LRRIQ3: variants seen among roughly 807,000 people sequenced by gnomAD.
The protein encoded by LRRIQ3 is leucine-rich repeat and IQ domain-containing protein 3.
LRRIQ3 carries 75 observed loss-of-function variants against 59.3 expected under a neutral mutation model. That is an observed-to-expected ratio of 1.26 (90% confidence interval 1.05 to 1.53). LRRIQ3 has a LOEUF of 1.53. LRRIQ3 is among the 40% of genes most tolerant of loss of function. The pLI, the probability that LRRIQ3 is intolerant of heterozygous loss-of-function variation, is 0.00. For missense variants in LRRIQ3, 831 were observed against 710.0 expected, an observed-to-expected ratio of 1.17 and a Z score of -1.94; for synonymous variants, 250 against 231.3, an observed-to-expected ratio of 1.08 and a Z score of -0.73.
chr1:74,129,008 A>T (rs1415001824), intron 4 of LRRIQ3, among the ~76,000 whole-genome samples: 1 of 152,056 alleles, frequency 6.6e-6, no homozygotes, highest in African/African-American at 2.4e-5. Flanking sequence ...GAAGGGTGGC[A>T]TAAGCATCCC....
chr1:74,179,033 T>C (rs1649807749), intron 3 of LRRIQ3, among the ~76,000 whole-genome samples: 2 of 152,136 alleles, frequency 1.3e-5, no homozygotes, highest in Admixed American at 6.6e-5. Flanking sequence ...CCTAACTTTC[T>C]GTAACATGAT....
intron 5 of LRRIQ3, among the ~76,000 whole-genome samples, chr1:74,088,645 C>G (rs1570094629): frequency 6.6e-6 from 1 of 151,776 alleles, no homozygotes; most frequent in South Asian, 2.1e-4. Flanking sequence ...CAAACCTTTA[C>G]CTCACACCAC....
intron 1 of LRRIQ3, among the ~76,000 whole-genome samples, chr1:74,190,542 T>C (rs1047944364): frequency 3.3e-5 from 5 of 151,682 alleles, no homozygotes; most frequent in Admixed American, 6.6e-5. Context: ...GTAACATACG[T>C]GTAATAAAAA....
chr1:74,060,215 CTTCTTGTTCTTCTTCTT>C (rs1654672530), intron 6 of LRRIQ3, among the ~76,000 whole-genome samples: 1 of 24,316 alleles, frequency 4.1e-5, no homozygotes, highest in Non-Finnish European at 1.5e-4. Flanking sequence ...TCTTCTTCTT[CTTCTTGTTCTTCTTCTT>C]CTTCTTCTTC....
chr1:74,149,268 A>G (rs2100653544), intron 4 of LRRIQ3, among the ~76,000 whole-genome samples: 1 of 152,282 alleles, frequency 6.6e-6, no homozygotes. Flanking sequence ...TTTTCCTTAC[A>G]TGTATAGAAT....
At chr1:74,158,360 CCACA>C (rs1648465535) in intron 3 of LRRIQ3, among the ~76,000 whole-genome samples, 1 of 152,072 alleles carries the variant, frequency 6.6e-6, no homozygotes. Context: ...TCTTGGTTTG[CCACA>C]CAAAGTCCTT....
chr1:74,160,908 T>C (rs1285625320), intron 3 of LRRIQ3, among the ~76,000 whole-genome samples: 1 of 152,104 alleles, frequency 6.6e-6, no homozygotes, highest in Non-Finnish European at 1.5e-5. Flanking sequence ...CCTGTGATTT[T>C]ATAATATTTT....
chr1:74,131,335 A>T lies in LRRIQ3; in HGVS notation c.708-21782T>A, dbSNP rs1318352468. Among the ~76,000 whole-genome samples the T allele has an allele frequency of 2.6e-5, 4 of 152,258 alleles. No individual in the cohort carries two copies. In the East Asian group the frequency reaches 5.8e-4, roughly 22 times the overall value. The stretch of plus-strand genomic sequence containing the variant: ...GTACCATTCCTTCTGAAAATATTCC[A>T]ATCAATAGAAAAAGAGGGAATCCTC... On this transcript the variant is annotated intron_variant, in intron 4 of 7. Coordinates refer to ENST00000354431, the MANE Select transcript of LRRIQ3 (RefSeq NM_001105659.2).
intron 5 of LRRIQ3, among the ~76,000 whole-genome samples, chr1:74,104,112 A>T (rs1170820923): frequency 1.3e-5 from 2 of 152,140 alleles, no homozygotes; most frequent in Non-Finnish European, 2.9e-5. Context: ...AAGCATACGA[A>T]ATGTTCAACA....
intron 4 of LRRIQ3, among the ~76,000 whole-genome samples, chr1:74,129,523 T>C (rs1646982134): frequency 1.3e-5 from 2 of 152,130 alleles, no homozygotes; most frequent in African/African-American, 2.4e-5. Context: ...AGCAATGCCA[T>C]CTCAGAGCCA....
chr1:74,176,376 T>C (rs574588041), intron 3 of LRRIQ3, among the ~76,000 whole-genome samples: 1 of 152,296 alleles, frequency 6.6e-6, no homozygotes, highest in African/African-American at 2.4e-5. Context: ...CTTTCTTGTT[T>C]TCCAGATTTT....
At chr1:74,097,973 G>A (rs1166181624) in intron 5 of LRRIQ3, among the ~76,000 whole-genome samples, 2 of 152,154 alleles carry the variant, frequency 1.3e-5, no homozygotes, top group South Asian at 2.1e-4. Context: ...AAAGACCATC[G>A]ATGCTAGGAA....
chr1:74,159,208 T>C (rs1004312729), intron 3 of LRRIQ3, among the ~76,000 whole-genome samples: 1 of 152,174 alleles, frequency 6.6e-6, no homozygotes, highest in Non-Finnish European at 1.5e-5. Flanking sequence ...ATTGCAATAG[T>C]TCCTTTCCCT....
intron 3 of LRRIQ3, among the ~76,000 whole-genome samples, chr1:74,178,331 T>C (rs1201445331): frequency 6.6e-6 from 1 of 152,022 alleles, no homozygotes; most frequent in Non-Finnish European, 1.5e-5. Flanking sequence ...TTTGACACTT[T>C]TATGGTTTTT....
intron 5 of LRRIQ3, among the ~76,000 whole-genome samples, chr1:74,097,906 C>T (rs1237506780): frequency 6.6e-6 from 1 of 152,092 alleles, no homozygotes; most frequent in Non-Finnish European, 1.5e-5. Flanking sequence ...CCGAAGGAAG[C>T]ACTAAACATG....
At chr1:74,075,553 C>T (rs1049263288) in intron 5 of LRRIQ3, among the ~76,000 whole-genome samples, 4 of 149,310 alleles carry the variant, frequency 2.7e-5, no homozygotes, top group Admixed American at 1.3e-4. Context: ...GGCAACAGAG[C>T]GAGACTCCGT....
chr1:74,192,186 C>T (rs183930233), intron 1 of LRRIQ3, among the ~76,000 whole-genome samples: 1 of 152,206 alleles, frequency 6.6e-6, no homozygotes, highest in East Asian at 1.9e-4. Context: ...AATAATAAAT[C>T]TCACTCCAAA....
chr1:74,042,772 CT>C (rs1654085738), intron 6 of LRRIQ3, among the ~76,000 whole-genome samples: 1 of 152,038 alleles, frequency 6.6e-6, no homozygotes, highest in Non-Finnish European at 1.5e-5. Flanking sequence ...GCTTCCTTTG[CT>C]TTCCTTTGTG....
chr1:74,088,512 A>G (rs1646356549), intron 5 of LRRIQ3, among the ~76,000 whole-genome samples: 1 of 152,062 alleles, frequency 6.6e-6, no homozygotes. Flanking sequence ...GTCCAGGAAT[A>G]AATCCTTCAA....
Sources: gnomAD v4.1 joint callset for allele counts (sites outside exome capture counted in the v4.1 genomes callset) on GRCh38, gnomAD v4.1.1 for gene constraint, MANE v1.5 for transcripts, NCBI Gene and HGNC (gene_info 2026-07-23, HGNC 2026-07-21) for gene names.